The following MUC6 variants were observed in gnomAD, a reference collection of about 807,000 sequenced individuals.
MUC6 encodes mucin 6, oligomeric mucus/gel-forming (gene/pseudogene).
In MUC6, 188 loss-of-function variants were observed where a neutral mutation model predicts 201.5. The observed-to-expected ratio is 0.93, with a 90% confidence interval of 0.83 to 1.05. The LOEUF is 1.05. Among genes scored for constraint, MUC6 ranks in the 50% least tolerant of loss-of-function variants. MUC6 has a pLI of 0.00. For missense variants in MUC6, 2,706 were observed against 3,256.9 expected (o/e 0.83, Z 4.12); for synonymous variants, 1,228 against 1,389.4 (o/e 0.88, Z 2.58).
At position 1,025,846 on chromosome 11, in the gene MUC6, A is replaced by C; in HGVS notation, c.2758T>G (p.Ser920Ala). 1 of 1,612,914 alleles carries C rather than the reference A, an allele frequency of 6.2e-7. No homozygotes were observed. Among genetic ancestry groups the C allele is most frequent in the Non-Finnish European group, 8.5e-7 (1 of 1,179,776 alleles). Reference protein sequence around the residue: ...ILTENVICGNSGVTCSRAIKI... With the variant: ...ILTENVICGNAGVTCSRAIKI... ...ATGGCCCGTGAGCATGTGACCCCGG[A>C]GTTCCCACAGATGACGTTCTCTGTC... The change falls in exon 22 of 33, where the codon TCC becomes GCC. Residue 920 changes from serine (S) to alanine (A), a missense_variant. Physicochemically the swap from Ser to Ala is moderately conservative, Grantham distance 99 (BLOSUM62 1). This residue lies in a region of MUC6 where 1,850 missense variants were observed against 1,958.3 expected (regional missense o/e 0.94). Coordinates refer to ENST00000421673, the MANE Select transcript of MUC6 (RefSeq NM_005961.3).
chr11:1,020,846 G>A, intron 27 of MUC6, 112 bp from the exon 28 acceptor site: 1 of 1,335,740 alleles, frequency 7.5e-7, no homozygotes, highest in Non-Finnish European at 1.0e-6. Flanking sequence ...CTGTGGTGGA[G>A]GGGACTGGAG....
Position 1,023,400 on chromosome 11 carries a change from G to A in MUC6, c.3526+109C>T, listed in dbSNP as rs953794289. ...CAAATTAATGAATGTGTGAATTAAT[G>A]AGCATGAATGAATGTGTGAATGAAT... On this transcript the variant is annotated intron_variant, in intron 26 of 32. Transcript: ENST00000421673. The A allele has an allele frequency of 2.3e-6, 3 of 1,304,500 alleles. No individual in the cohort carries two copies. The African/African-American group carries it at 6.3e-5, about 28-fold the overall frequency. The allele number at this position is 1,304,500 out of a possible 1,614,324, so 80.8% of individuals were successfully genotyped here. A position where few individuals can be genotyped will look rare whatever the true frequency, so the allele number is the denominator to read the frequency against.
In MUC6 at chr11:1,033,076, C is replaced by G. The variant is rs1291113355; in HGVS notation, c.53-1G>C. On this transcript the variant is annotated splice_acceptor_variant, in intron 1 of 32. Coordinates refer to ENST00000421673, the MANE Select transcript of MUC6 (RefSeq NM_005961.3). LOFTEE classifies it high-confidence loss of function. The surrounding 1 kb of genome is among the most constrained non-coding windows in gnomAD (Gnocchi z 5.6). ...CTGGTGTAGGAGGTGTTAGCCAGAC[C>G]TGTGTGGACGGGACCCGCAGTCGGT... 1 of 1,613,236 alleles carries G rather than the reference C, an allele frequency of 6.2e-7. No individual in the cohort carries two copies. The highest frequency in any genetic ancestry group is 1.1e-5 in the South Asian group (1 of 91,068).
At position 1,029,531 on chromosome 11, in the gene MUC6, G is replaced by T. The variant is rs1481826118; in HGVS notation, c.1100C>A (p.Ala367Asp). 2 of 1,612,526 alleles carry T rather than the reference G, an allele frequency of 1.2e-6. No individual in the cohort carries two copies. The highest frequency in any genetic ancestry group is 1.7e-6 in the Non-Finnish European group (2 of 1,179,722). ...GGCAGCTATTGTGACCTCCCCGGGG[G>T]CATACATGGCGCCGTGGAGCACACA... is the stretch of plus-strand genomic sequence containing the variant. ...CPCVLHGAMY[A>D]PGEVTIAACQ... Residue 367 changes from alanine to aspartate, a missense_variant, in exon 9 of 33, where the codon GCC (alanine) becomes GAC (aspartate). Physicochemically the swap from Ala to Asp is moderately radical, Grantham distance 126. Around this residue, in one of 10 missense-constraint regions of MUC6, gnomAD observed 1,850 missense variants for 1,958.3 expected, o/e 0.94. Transcript: ENST00000421673.
rs1856957002 is a variant in MUC6, at chr11:1,026,263, C to A, written c.2546+64G>T. 4 of 1,542,600 alleles carry A rather than the reference C, an allele frequency of 2.6e-6. No individual in the cohort carries two copies. In the Middle Eastern group the frequency reaches 5.5e-4, roughly 211 times the overall value. ...GCCTCTGGGACAGCCCCACCCCGGGCAGCCTCCGCCTGCCCCAGATGGCCC... is the reference window on the plus strand; with the variant it reads ...GCCTCTGGGACAGCCCCACCCCGGGAAGCCTCCGCCTGCCCCAGATGGCCC... On this transcript the variant is annotated intron_variant, in intron 20 of 32. Transcript: ENST00000421673.
In MUC6 at chr11:1,029,369, G is replaced by C; in HGVS notation, c.1137-3C>G. 6.3e-7 allele frequency: 1 copy of C among 1,594,810 alleles called. No individual in the cohort carries two copies. Among genetic ancestry groups the C allele is most frequent in the Non-Finnish European group, 8.5e-7 (1 of 1,171,020 alleles). On this transcript the variant is annotated splice_polypyrimidine_tract_variant and splice_region_variant and intron_variant, in intron 9 of 32. Coordinates refer to ENST00000421673, the MANE Select transcript of MUC6 (RefSeq NM_005961.3). Reference sequence around the variant, plus strand: ...CCCAGCGGCCCAGGGTGCACCGGCTGTGGGTGGGCGTGGGGGTAGCGGCAT... The same window carrying C: ...CCCAGCGGCCCAGGGTGCACCGGCTCTGGGTGGGCGTGGGGGTAGCGGCAT...
chr11:1,027,587 C>T (rs894744731), intron 16 of MUC6, 70 bp from the exon 17 acceptor site: 31 of 1,595,218 alleles, frequency 1.9e-5, no homozygotes, highest in Non-Finnish European at 2.0e-5. Flanking sequence ...GTTCCCCTGC[C>T]TGCCGGGCAC....
In MUC6 at chr11:1,025,101, AGGCCGGGCCCAGG is replaced by A; in HGVS notation, c.2986-31_2986-19del. On this transcript the variant is annotated intron_variant, in intron 23 of 32. Coordinates refer to ENST00000421673, the MANE Select transcript of MUC6 (RefSeq NM_005961.3). The stretch of plus-strand genomic sequence containing the variant: ...AGGGGATCCTGCAGACGGTGGCATC[AGGCCGGGCCCAGG>A]GGCCGTGCCATCTGTCTCCACCCCT... 1 of 1,612,656 alleles carries A rather than the reference AGGCCGGGCCCAGG, an allele frequency of 6.2e-7. No homozygotes were observed. The highest frequency in any genetic ancestry group is 8.5e-7 in the Non-Finnish European group (1 of 1,179,660).
intron 2 of MUC6, among the ~76,000 whole-genome samples, chr11:1,032,324 G>A (rs113287804): frequency 2.9e-4 from 44 of 152,208 alleles, no homozygotes; most frequent in Admixed American, 9.2e-4. Flanking sequence ...TGCGTGTCTC[G>A]GGTGTGTGCA....
chr11:1,030,766 G>C lies in MUC6; in HGVS notation c.699C>G (p.Thr233=). The C allele has an allele frequency of 2.0e-6, 3 of 1,538,120 alleles. No homozygotes were observed. The Admixed American group carries it at 5.9e-5, about 30-fold the overall frequency. The change falls in exon 7 of 33, where the codon ACC becomes ACG. Residue 233 remains threonine, a synonymous_variant. Coordinates refer to ENST00000421673, the MANE Select transcript of MUC6 (RefSeq NM_005961.3). ...CAGGGGCCACCAGGGTCAGCAGCTG[G>C]GTGCAGATCCGGGCCTGGGGGGGCC... ...VRQAQHARIC[T]QLLTLVAPEC... is the part of the protein sequence containing the mutation.
intron 9 of MUC6, 49 bp downstream of exon 9, chr11:1,029,446 A>G: frequency 6.2e-7 from 1 of 1,606,840 alleles, no homozygotes; most frequent in Non-Finnish European, 8.5e-7. Flanking sequence ...GCCCTAGGCC[A>G]GTGGAACCCC....
intron 26 of MUC6, 89 bp downstream of exon 26, chr11:1,023,420 A>G: frequency 7.0e-7 from 1 of 1,438,246 alleles, no homozygotes; most frequent in Non-Finnish European, 9.4e-7. Flanking sequence ...GAATGTGTGA[A>G]TGAATGAATG....
rs1411912928 is a variant in MUC6 at position 1,030,785 on chromosome 11, G to A, written c.685-5C>T. ...CAGCTGGGTGCAGATCCGGGCCTGGGGGGGCCACTCAGGGTCATGGGGGCA... is the reference window on the plus strand; with the variant it reads ...CAGCTGGGTGCAGATCCGGGCCTGGAGGGGCCACTCAGGGTCATGGGGGCA... On this transcript the variant is annotated splice_region_variant and splice_polypyrimidine_tract_variant and intron_variant, in intron 6 of 32. Transcript: ENST00000421673. The A allele has an allele frequency of 2.6e-6, 4 of 1,535,646 alleles. No homozygotes were observed. The Admixed American group carries it at 5.9e-5, about 23-fold the overall frequency.
Position 1,015,889 on chromosome 11 carries a change from G to T in MUC6, c.6912C>A (p.Thr2304=). 1.2e-6 allele frequency: 2 copies of T among 1,608,628 alleles called. No individual in the cohort carries two copies. Among genetic ancestry groups the T allele is most frequent in the Non-Finnish European group, 1.7e-6 (2 of 1,176,882 alleles). The part of the protein sequence containing the change: ...GIPTSPVTNL[T]TRHPGPTLSP... ...ACAAGGTGGGACCAGGGTGCCTGGT[G>T]GTAAGGTTGGTGACTGGAGAGGTGG... is the stretch of plus-strand genomic sequence containing the variant. The change falls in exon 31 of 33, where the codon ACC becomes ACA. Residue 2304 remains threonine, a synonymous_variant. Transcript: ENST00000421673.
chr11:1,028,898 A>C lies in MUC6; in HGVS notation c.1444T>G (p.Tyr482Asp). Residue 482 changes from tyrosine to aspartate, a missense_variant, in exon 12 of 33, where the codon TAC becomes GAC. Tyr to Asp is a radical substitution (Grantham distance 160). Coordinates refer to ENST00000421673, the MANE Select transcript of MUC6 (RefSeq NM_005961.3). ...TNNGEAKWLP[Y>D]KTRNITVFRQ... ...CTGGGCCAGGACGTACGAGTCTTGT[A>C]TGGCAGCCACTTGGCTTCTCCGTTG... 6.2e-7 allele frequency: 1 copy of C among 1,612,592 alleles called. No individual in the cohort carries two copies. The highest frequency in any genetic ancestry group is 1.1e-5 in the South Asian group (1 of 91,080).
chr11:1,019,465 TGG>T lies in MUC6; in HGVS notation c.3838_3839del (p.Pro1280ThrfsTer116), dbSNP rs1442506246. ...EPPRPTTAVT[P>X]QATSGLPPTA... ...TGGGAGGCAGCCCTGATGTGGCTTG[TGG>T]GGTGACGGCCGTGGTTGGTCTAGGT... On this transcript the variant is annotated frameshift_variant, in exon 30 of 33. Transcript: ENST00000421673. LOFTEE classifies it high-confidence loss of function. The T allele has an allele frequency of 1.2e-6, 2 of 1,612,884 alleles. No homozygotes were observed. Among genetic ancestry groups the T allele is most frequent in the Non-Finnish European group, 1.7e-6 (2 of 1,179,490 alleles).
In MUC6 at chr11:1,026,945, G is replaced by A. The variant is rs1564841610; in HGVS notation, c.2390C>T (p.Ala797Val). The A allele has an allele frequency of 6.3e-7, 1 of 1,584,904 alleles. No homozygotes were observed. The highest frequency in any genetic ancestry group is 2.3e-5 in the East Asian group (1 of 43,254). ...GCTCCTCGCGCGCCCCCTTACGCAG[G>A]CAACACCGGTGGCCAGCATCTGGCA... ...PTCQMLATGV[A>V]CVPTKCEPGC... The change falls in exon 19 of 33, where the codon GCC becomes GTC. Residue 797 changes from alanine to valine, a missense_variant. Physicochemically the swap from Ala to Val is moderately conservative, Grantham distance 64 (BLOSUM62 0). This residue lies in a region of MUC6 where 1,850 missense variants were observed against 1,958.3 expected (regional missense o/e 0.94). Coordinates refer to ENST00000421673, the MANE Select transcript of MUC6 (RefSeq NM_005961.3).
chr11:1,019,377 C>A lies in MUC6; in HGVS notation c.3928G>T (p.Ala1310Ser), dbSNP rs200318996. ...GTCGTGGCTGGGCTGGCGGTCGACG[C>A]CGTGGCCCTGGTTGTGGCCTGGGTC... Reference protein sequence around the residue: ...TVTQATTRATASTASPATTST... With the variant: ...TVTQATTRATSSTASPATTST... Residue 1310 changes from alanine to serine, a missense_variant, in exon 30 of 33, where the codon GCG (alanine) becomes TCG (serine). Coordinates refer to ENST00000421673, the MANE Select transcript of MUC6 (RefSeq NM_005961.3). 5.1e-5 allele frequency: 83 copies of A among 1,613,576 alleles called. No individual in the cohort carries two copies. Among genetic ancestry groups the A allele is most frequent in the Non-Finnish European group, 7.0e-5 (83 of 1,179,724 alleles).
rs558324995 is a variant in MUC6 at position 1,014,487 on chromosome 11, G to A, written c.7040-486C>T. Among the ~76,000 whole-genome samples, 16 of 152,266 alleles carry A rather than the reference G, an allele frequency of 1.1e-4. No individual in the cohort carries two copies. The South Asian group carries it at 1.9e-3, about 18-fold the overall frequency. On this transcript the variant is annotated intron_variant, in intron 31 of 32. Coordinates refer to ENST00000421673, the MANE Select transcript of MUC6 (RefSeq NM_005961.3). The stretch of plus-strand genomic sequence containing the variant: ...GGAGGAGGGAAGTGGAGCAGGCCCC[G>A]TGGTCTGGGCTCCTGGAAGGGGCGG...
Sources: gnomAD v4.1 joint callset for allele counts (sites outside exome capture counted in the v4.1 genomes callset) on GRCh38, gnomAD v4.1.1 for gene constraint, gnomAD v4.1.1 regional missense constraint, Gnocchi (gnomAD v3.1) non-coding constraint, MANE v1.5 for transcripts, NCBI Gene and HGNC (gene_info 2026-07-23, HGNC 2026-07-21) for gene names.